The following DRC4 variants were observed in gnomAD, a reference collection of about 807,000 sequenced individuals.
DRC4 encodes GAS-11.
chr16:90,031,595 C>T, the DRC4 span: 1 of 1,276,998 alleles, frequency 7.8e-7, no homozygotes, highest in Non-Finnish European at 1.1e-6. Context: ...CTGTTCTTGG[C>T]TTTGGGAGTC....
At chr16:90,043,528 C>G in the DRC4 span, 1 of 644,724 alleles carries the variant, frequency 1.6e-6, no homozygotes, top group Non-Finnish European at 2.7e-6. Flanking sequence ...GACCCTCACC[C>G]ATGGTGTCCC....
At chr16:90,035,967 G>A in the DRC4 span, 23 of 1,303,912 alleles carry the variant, frequency 1.8e-5, no homozygotes, top group South Asian at 4.8e-5. Flanking sequence ...ATTCAGTGCC[G>A]TGGGCAGCCT....
At chr16:90,037,697 C>G in the DRC4 span, 2 of 1,476,070 alleles carry the variant, frequency 1.4e-6, no homozygotes, top group Non-Finnish European at 9.5e-7. Flanking sequence ...CCCAGGAGCC[C>G]GTGTTACTTG....
the DRC4 span, chr16:90,031,135 C>G: frequency 1.4e-6 from 2 of 1,473,316 alleles, no homozygotes; most frequent in East Asian, 5.0e-5. Flanking sequence ...CATTCTGTCT[C>G]CGGAGCTTCC....
chr16:90,027,801 T>C, the DRC4 span: 3 of 1,337,846 alleles, frequency 2.2e-6, no homozygotes, highest in Admixed American at 1.7e-5. Context: ...CGAGTGTCCA[T>C]CTTGCCATGT....
chr16:90,034,657 AT>A, the DRC4 span, among the ~76,000 whole-genome samples: 23 of 151,996 alleles, frequency 1.5e-4, no homozygotes, highest in Middle Eastern at 3.4e-3. Flanking sequence ...AAAATAATTT[AT>A]TTTTTTATGC....
chr16:90,042,137 C>T, the DRC4 span, among the ~76,000 whole-genome samples: 6 of 151,940 alleles, frequency 3.9e-5, no homozygotes, highest in Admixed American at 1.3e-4. Context: ...GGTTTCGCCA[C>T]GTTGGCCAGG....
the DRC4 span, chr16:90,043,960 C>G: frequency 1.4e-5 from 6 of 415,826 alleles, no homozygotes; most frequent in East Asian, 3.6e-4. Flanking sequence ...CGTGGAACTT[C>G]TGGGCCTTGC....
At chr16:90,022,545 C>T in the DRC4 span, 2 of 590,140 alleles carry the variant, frequency 3.4e-6, no homozygotes, top group Non-Finnish European at 5.3e-6. Context: ...CGGGTTCCTT[C>T]CGGACGCCCG....
chr16:90,039,607 G>A, the DRC4 span, among the ~76,000 whole-genome samples: 2 of 151,876 alleles, frequency 1.3e-5, no homozygotes, highest in African/African-American at 2.4e-5. Flanking sequence ...GGCTGGTCTC[G>A]AACTCCTGAC....
the DRC4 span, chr16:90,021,913 A>G: frequency 5.3e-5 from 8 of 150,922 alleles, no homozygotes; most frequent in Non-Finnish European, 1.2e-4. Flanking sequence ...TCTGGGTGAC[A>G]TAGATGGTTG....
the DRC4 span, chr16:90,027,567 G>A: frequency 4.0e-6 from 6 of 1,504,202 alleles, no homozygotes; most frequent in African/African-American, 4.1e-5. Flanking sequence ...ATGTTCCTGG[G>A]AGCAAATCAG....
chr16:90,038,301 C>T, the DRC4 span, among the ~76,000 whole-genome samples: 1 of 152,162 alleles, frequency 6.6e-6, no homozygotes, highest in South Asian at 2.1e-4. Context: ...CCTGCATGCT[C>T]TCGTGTGGAT....
chr16:90,022,314 T>A, the DRC4 span: 1 of 178,332 alleles, frequency 5.6e-6, no homozygotes, highest in African/African-American at 2.4e-5. Flanking sequence ...TGAATCTCAT[T>A]TGGGGAAAGT....
At chr16:90,031,954 A>T in the DRC4 span, among the ~76,000 whole-genome samples, 1 of 150,552 alleles carries the variant, frequency 6.6e-6, no homozygotes, top group Non-Finnish European at 1.5e-5. Flanking sequence ...AGGTGTGGGG[A>T]GGTGAGCACG....
chr16:90,031,437 C>A, the DRC4 span: 8 of 1,609,378 alleles, frequency 5.0e-6, no homozygotes, highest in Non-Finnish European at 6.8e-6. Context: ...GAAGGCTGAG[C>A]TGCGGAACAA....
At chr16:90,022,708 T>C in the DRC4 span, 2 of 1,421,714 alleles carry the variant, frequency 1.4e-6, no homozygotes, top group South Asian at 1.4e-5. Flanking sequence ...CCGCTGGGCC[T>C]GTCCGCTGGC....
chr16:90,025,364 T>C, the DRC4 span, among the ~76,000 whole-genome samples: 1 of 150,386 alleles, frequency 6.6e-6, no homozygotes, highest in African/African-American at 2.4e-5. Flanking sequence ...TAAATGAAGA[T>C]AAATGGGCCA....
chr16:90,030,215 AT>A, the DRC4 span, among the ~76,000 whole-genome samples: 1 of 151,716 alleles, frequency 6.6e-6, no homozygotes, highest in Admixed American at 6.6e-5. Flanking sequence ...TCAAAGGTGA[AT>A]TTTTTTTCAT....
Sources: allele counts gnomAD v4.1 joint callset (sites outside exome capture counted in the v4.1 genomes callset), GRCh38; gene constraint gnomAD v4.1.1; transcripts MANE v1.5; gene names NCBI Gene and HGNC (gene_info 2026-07-23, HGNC 2026-07-21).